WNT16: variants seen among roughly 807,000 people sequenced by gnomAD.
WNT16 encodes the protein Wnt family member 16.
A neutral mutation model predicts 35.4 loss-of-function variants in WNT16; 20 were observed. The observed-to-expected ratio is 0.56, with a 90% CI of 0.40 to 0.82. WNT16 has a LOEUF of 0.82. WNT16 is among the 40% of genes least tolerant of loss of function. The pLI is 0.00. For missense variants in WNT16, 461 were observed against 466.0 expected (o/e 0.99, Z 0.10); for synonymous variants, 180 against 179.2 (o/e 1.00, Z -0.03).
intron 3 of WNT16, among the ~76,000 whole-genome samples, chr7:121,336,925 A>T (rs1793455265): frequency 6.6e-6 from 1 of 152,208 alleles, no homozygotes; most frequent in Non-Finnish European, 1.5e-5. Context: ...ATGGAAACAT[A>T]CATTGTTATG....
rs910776850 is a variant in WNT16, at chr7:121,340,767, C to G, written c.*1422C>G. On this transcript the variant is annotated 3_prime_UTR_variant, in exon 4 of 4. Coordinates refer to ENST00000222462, the MANE Select transcript of WNT16 (RefSeq NM_057168.2). ...AGTGGTCTTTCTTGTTTTTAATATT[C>G]ATGCATGTATATTCATCATATTTTA... 6.6e-6 allele frequency: 1 copy of G among 152,234 alleles called. No homozygotes were observed. Among genetic ancestry groups the G allele is most frequent in the African/African-American group, 2.4e-5 (1 of 41,380 alleles). The allele number at this position is 152,234 out of a possible 1,614,324, so 9.4% of individuals were successfully genotyped here.
At chr7:121,336,492 A>C (rs1229335533) in intron 3 of WNT16, among the ~76,000 whole-genome samples, 1 of 152,176 alleles carries the variant, frequency 6.6e-6, no homozygotes, top group East Asian at 1.9e-4. Context: ...GATGTAATTG[A>C]ATTTGAAAAT....
Position 121,338,920 on chromosome 7 carries a change from G to T in WNT16, c.673G>T (p.Gly225Ter). 1.9e-6 allele frequency: 3 copies of T among 1,613,950 alleles called. No individual in the cohort carries two copies. Among genetic ancestry groups the T allele is most frequent in the Non-Finnish European group, 1.7e-6 (2 of 1,179,944 alleles). ...KLMSVDCRCH[G>*]VSGSCAVKTC... ...GATGTCAGTAGACTGCCGCTGCCAC[G>T]GAGTTTCCGGCTCCTGTGCTGTGAA... The change falls in exon 4 of 4, where the codon GGA (glycine) becomes TGA (stop). Residue 225 changes from glycine (G) to a stop codon, truncating the protein, a stop_gained. Coordinates refer to ENST00000222462, the MANE Select transcript of WNT16 (RefSeq NM_057168.2). LOFTEE classifies it high-confidence loss of function.
intron 3 of WNT16, among the ~76,000 whole-genome samples, chr7:121,334,643 T>G (rs1015491340): frequency 2.0e-5 from 3 of 152,114 alleles, no homozygotes; most frequent in African/African-American, 7.2e-5. Context: ...AGTAGTACTG[T>G]GAGCAGGATA....
chr7:121,338,892 G>A lies in WNT16; in HGVS notation c.645G>A (p.Lys215=). 1 of 1,612,434 alleles carries A rather than the reference G, an allele frequency of 6.2e-7. No homozygotes were observed. Among genetic ancestry groups the A allele is most frequent in the Non-Finnish European group, 8.5e-7 (1 of 1,179,222 alleles). The change falls in exon 4 of 4, where the codon AAG becomes AAA. Residue 215 remains lysine, a synonymous_variant. Transcript: ENST00000222462. ...NNEAGRQAVA[K]LMSVDCRCHG... is the part of the protein sequence containing the mutation. ...ACTGTTGGTTTCAGGCTGTCGCCAA[G>A]TTGATGTCAGTAGACTGCCGCTGCC... is the stretch of plus-strand genomic sequence containing the variant.
intron 3 of WNT16, among the ~76,000 whole-genome samples, chr7:121,333,732 CAAAT>C (rs1441561179): frequency 6.6e-6 from 1 of 151,818 alleles, no homozygotes; most frequent in African/African-American, 2.4e-5. Flanking sequence ...AACAAGAAAA[CAAAT>C]AAACGAGTGT....
At chr7:121,330,629 G>A (rs1190173039) in intron 2 of WNT16, among the ~76,000 whole-genome samples, 1 of 149,478 alleles carries the variant, frequency 6.7e-6, no homozygotes, top group African/African-American at 2.5e-5. Flanking sequence ...CGCAGTCCCT[G>A]CGCGCACCCC....
upstream of WNT16, chr7:121,325,532 G>A: frequency 1.9e-6 from 3 of 1,557,078 alleles, no homozygotes; most frequent in Non-Finnish European, 2.6e-6. Flanking sequence ...ATGTTTCAAT[G>A]GAGAGATCTG....
intron 3 of WNT16, among the ~76,000 whole-genome samples, 163 bp from the exon 4 acceptor site, chr7:121,338,718 A>G (rs1793478281): frequency 6.6e-6 from 1 of 152,254 alleles, no homozygotes; most frequent in Non-Finnish European, 1.5e-5. Context: ...AGGACGAAAC[A>G]TTTGAAGCCT....
rs1427882407 is a variant in WNT16, at chr7:121,340,522, T to G, written c.*1177T>G. 2 of 152,044 alleles carry G rather than the reference T, an allele frequency of 1.3e-5. No individual in the cohort carries two copies. The highest frequency in any genetic ancestry group is 2.9e-5 in the Non-Finnish European group (2 of 67,938). 9.4% of individuals were successfully genotyped at this position (152,044 alleles called of 1,614,324 possible). On this transcript the variant is annotated 3_prime_UTR_variant, in exon 4 of 4. Transcript: ENST00000222462. ...TTATATGTTATAGATTAAAATATGT[T>G]GCAAAATATCAAAAATTTGTGTTAT...
chr7:121,338,341 A>AG, intron 3 of WNT16, among the ~76,000 whole-genome samples: 1 of 152,202 alleles, frequency 6.6e-6, no homozygotes, highest in Non-Finnish European at 1.5e-5. Flanking sequence ...ATGAGAGCTA[A>AG]GGGTAACTTC....
chr7:121,340,946 A>C lies in WNT16; in HGVS notation c.*1601A>C, dbSNP rs553888046. On this transcript the variant is annotated 3_prime_UTR_variant, in exon 4 of 4. Transcript: ENST00000222462. ...GGACAAAGAGAATATTCATTTTCTTATTAATAAGATAAAGAAATGTTTCCC... is the reference window on the plus strand; with the variant it reads ...GGACAAAGAGAATATTCATTTTCTTCTTAATAAGATAAAGAAATGTTTCCC... The C allele has an allele frequency of 6.6e-6, 1 of 152,268 alleles. No individual in the cohort carries two copies. The allele number at this position is 152,268 out of a possible 1,614,324, so 9.4% of individuals were successfully genotyped here. A position where few individuals can be genotyped will look rare whatever the true frequency, so the allele number is the denominator to read the frequency against.
rs1793512404 is a variant in WNT16, at chr7:121,340,335, ACAT to A, written c.*991_*993del. On this transcript the variant is annotated 3_prime_UTR_variant, in exon 4 of 4. Transcript: ENST00000222462. ...CTTAAGTTATATGATTTATATTAAA[ACAT>A]TTATTGACAAAGCCTAAGAGCTAAG... The A allele has an allele frequency of 6.6e-6, 1 of 152,288 alleles. No homozygotes were observed. Among genetic ancestry groups the A allele is most frequent in the South Asian group, 2.1e-4 (1 of 4,828 alleles). 9.4% of individuals were successfully genotyped at this position (152,288 alleles called of 1,614,324 possible).
intron 2 of WNT16, 37 bp from the exon 3 acceptor site, chr7:121,331,641 C>A: frequency 1.3e-6 from 2 of 1,586,704 alleles, no homozygotes; most frequent in Non-Finnish European, 1.7e-6. Flanking sequence ...ACAGAAGTTG[C>A]CTGGTTCTCT....
chr7:121,338,806 TAGATTA>T (rs1793479546), intron 3 of WNT16, 69 bp from the exon 4 acceptor site: 12 of 1,247,948 alleles, frequency 9.6e-6, no homozygotes, highest in Non-Finnish European at 1.3e-5. Context: ...GTTAATTGAT[TAGATTA>T]ACTGTGCTTC....
chr7:121,325,683 C>G (rs955344365), upstream of WNT16, among the ~76,000 whole-genome samples: 3 of 151,914 alleles, frequency 2.0e-5, no homozygotes, highest in Admixed American at 6.6e-5. Context: ...ACATATCTCT[C>G]TCTATACACA....
intron 3 of WNT16, among the ~76,000 whole-genome samples, chr7:121,334,869 T>C (rs896581359): frequency 6.6e-6 from 1 of 152,072 alleles, no homozygotes; most frequent in Non-Finnish European, 1.5e-5. Context: ...ATTCTTCCCA[T>C]GTCCACCTCA....
chr7:121,330,247 C>T (rs968582053), intron 2 of WNT16, among the ~76,000 whole-genome samples: 15 of 152,224 alleles, frequency 9.9e-5, no homozygotes, highest in African/African-American at 3.4e-4. Context: ...GGACAAGTGG[C>T]TAATTGCAGC....
chr7:121,325,925 C>T (rs1317769868), upstream of WNT16, among the ~76,000 whole-genome samples: 1 of 150,680 alleles, frequency 6.6e-6, no homozygotes, highest in Non-Finnish European at 1.5e-5. Flanking sequence ...CTTGTAGTCC[C>T]AGCTACTCAG....
Sources: allele counts gnomAD v4.1 joint callset (sites outside exome capture counted in the v4.1 genomes callset), GRCh38; gene constraint gnomAD v4.1.1; transcripts MANE v1.5; gene names NCBI Gene and HGNC (gene_info 2026-07-23, HGNC 2026-07-21).